The following LMOD1 variants were observed in gnomAD, a reference collection of about 807,000 sequenced individuals.
LMOD1 encodes the protein leiomodin 1.
In LMOD1, 8 loss-of-function variants were observed where a neutral mutation model predicts 36.5. The ratio of observed to expected loss-of-function variants is 0.22; its 90% CI spans 0.13 to 0.40. The LOEUF (loss-of-function observed/expected upper bound fraction) is 0.40. Among genes scored for constraint, LMOD1 ranks in the 10% least tolerant of loss-of-function variants. The probability of loss-of-function intolerance (pLI) is 1.00; values close to 1 mark genes in which losing one functional copy is unlikely to be tolerated. For missense variants in LMOD1, 630 were observed against 751.1 expected, an observed-to-expected ratio of 0.84 and a Z score of 1.88; for synonymous variants, 284 against 288.7, an observed-to-expected ratio of 0.98 and a Z score of 0.17.
chr1:201,902,725 G>A lies in LMOD1; in HGVS notation c.262-1974C>T, dbSNP rs909126449. ...CTCCCAAAGTGCTGGGATTACAGGC[G>A]TGAGCCGCCGCGCCAGGCTGGGGGC... On this transcript the variant is annotated intron_variant, in intron 1 of 2. Coordinates refer to ENST00000367288, the MANE Select transcript of LMOD1 (RefSeq NM_012134.3). Among the ~76,000 whole-genome samples, 24 of 151,976 alleles carry A rather than the reference G, an allele frequency of 1.6e-4. No individual in the cohort carries two copies. The East Asian group carries it at 4.7e-3, about 30-fold the overall frequency.
intron 1 of LMOD1, among the ~76,000 whole-genome samples, chr1:201,912,734 C>T (rs890277215): frequency 1.3e-5 from 2 of 152,094 alleles, no homozygotes; most frequent in African/African-American, 4.8e-5. Flanking sequence ...TGGCGGGCGC[C>T]TGTAATCCCA....
Position 201,900,250 on chromosome 1 carries a change from C to T in LMOD1, c.763G>A (p.Val255Ile). The T allele has an allele frequency of 6.2e-7, 1 of 1,613,592 alleles. No homozygotes were observed. Among genetic ancestry groups the T allele is most frequent in the Non-Finnish European group, 8.5e-7 (1 of 1,179,746 alleles). Residue 255 changes from valine (V) to isoleucine (I), a missense_variant, in exon 2 of 3, where the codon GTA becomes ATA. Around this residue, in one of 3 missense-constraint regions of LMOD1, gnomAD observed 405 missense variants for 400.6 expected, o/e 1.01. Transcript: ENST00000367288. ...NTDMKKEDEK[V>I]KRGTGNTDTK... ...TCTGTGTTCCCAGTTCCTCTTTTTA[C>T]CTTCTCATCCTCCTTTTTCATGTCT...
In LMOD1 at chr1:201,928,413, G is replaced by A. The variant is rs1233944434; in HGVS notation, c.261+17667C>T. ...GGCGTCAGAAAGGCAAGTCTGTGTC[G>A]ACCCAGCTGCAGAATTGGTATATCC... On this transcript the variant is annotated intron_variant, in intron 1 of 2. Coordinates refer to ENST00000367288, the MANE Select transcript of LMOD1 (RefSeq NM_012134.3). Among the ~76,000 whole-genome samples the A allele has an allele frequency of 3.3e-5, 5 of 152,282 alleles. No homozygotes were observed. The East Asian group carries it at 5.8e-4, about 18-fold the overall frequency.
At position 201,900,256 on chromosome 1, in the gene LMOD1, C is replaced by T. The variant is rs776995438; in HGVS notation, c.757G>A (p.Glu253Lys). The T allele has an allele frequency of 6.3e-5, 102 of 1,613,532 alleles. 3 individuals carry two copies. In the South Asian group the frequency reaches 1.0e-3, roughly 17 times the overall value. Residue 253 changes from glutamate (E) to lysine (K), a missense_variant, in exon 2 of 3, where the codon GAG becomes AAG. By Grantham distance (56) the Glu-to-Lys change is moderately conservative. Transcript: ENST00000367288. The part of the protein sequence containing the change: ...GGNTDMKKED[E>K]KVKRGTGNTD... ...TTCCCAGTTCCTCTTTTTACCTTCTCATCCTCCTTTTTCATGTCTGTGTTC... is the reference window on the plus strand; with the variant it reads ...TTCCCAGTTCCTCTTTTTACCTTCTTATCCTCCTTTTTCATGTCTGTGTTC...
At chr1:201,904,496 C>T (rs948928121) in intron 1 of LMOD1, among the ~76,000 whole-genome samples, 1 of 152,218 alleles carries the variant, frequency 6.6e-6, no homozygotes, top group Non-Finnish European at 1.5e-5. Context: ...AGGCGTGAGC[C>T]ACCACGCCCA....
At chr1:201,930,792 C>T (rs1681904621) in intron 1 of LMOD1, among the ~76,000 whole-genome samples, 1 of 152,044 alleles carries the variant, frequency 6.6e-6, no homozygotes, top group Non-Finnish European at 1.5e-5. Flanking sequence ...GAGCTGCTCA[C>T]AGAGGAGATT....
chr1:201,946,383 T>C lies in LMOD1; in HGVS notation c.-43A>G. The C allele has an allele frequency of 6.3e-7, 1 of 1,599,128 alleles. No homozygotes were observed. Among genetic ancestry groups the C allele is most frequent in the East Asian group, 2.2e-5 (1 of 44,710 alleles). ...TGGCTGCCAGGGGCTATCAGAGTCC[T>C]GGTGGGCAGGGAAGGGAGAGGGGTG... On this transcript the variant is annotated 5_prime_UTR_variant, in exon 1 of 3. Coordinates refer to ENST00000367288, the MANE Select transcript of LMOD1 (RefSeq NM_012134.3).
chr1:201,942,982 A>G (rs1485938022), intron 1 of LMOD1, among the ~76,000 whole-genome samples: 1 of 152,340 alleles, frequency 6.6e-6, no homozygotes, highest in African/African-American at 2.4e-5. Context: ...AGCATCCACT[A>G]TCTAGTCAGG....
rs34390949 is a variant in LMOD1 at position 201,940,183 on chromosome 1, CTT to C, written c.261+5895_261+5896del. Among the ~76,000 whole-genome samples the C allele has an allele frequency of 9.7e-5, 12 of 123,416 alleles. No individual in the cohort carries two copies. The East Asian group carries it at 1.3e-3, about 13-fold the overall frequency. 81.0% of individuals were successfully genotyped at this position (123,416 alleles called of 152,430 possible). On this transcript the variant is annotated intron_variant, in intron 1 of 2. Transcript: ENST00000367288. ...CTTGCATTTTCCATCCAGCCAAGCT[CTT>C]TTTTTTTTTTTTTTTTTTTTGAGAT...
chr1:201,920,979 C>T (rs184700293), intron 1 of LMOD1, among the ~76,000 whole-genome samples: 1 of 152,220 alleles, frequency 6.6e-6, no homozygotes, highest in Non-Finnish European at 1.5e-5. Context: ...AGATGCATTC[C>T]ATGGACATTT....
At chr1:201,906,847 T>C (rs536334837) in intron 1 of LMOD1, among the ~76,000 whole-genome samples, 1 of 148,940 alleles carries the variant, frequency 6.7e-6, no homozygotes, top group African/African-American at 2.5e-5. Flanking sequence ...CTGGGCAACA[T>C]AGTGAGTGAG....
chr1:201,901,624 GTGTGTGTATA>G (rs1473683030), intron 1 of LMOD1, among the ~76,000 whole-genome samples: 1 of 12,622 alleles, frequency 7.9e-5, no homozygotes, highest in African/African-American at 2.9e-4. Flanking sequence ...ATATATATGT[GTGTGTGTATA>G]TATATATATA....
rs761599670 is a variant in LMOD1 at position 201,899,634 on chromosome 1, C to T, written c.1379G>A (p.Arg460Gln). 3.7e-6 allele frequency: 6 copies of T among 1,612,556 alleles called. No homozygotes were observed. The highest frequency in any genetic ancestry group is 5.1e-6 in the Non-Finnish European group (6 of 1,179,356). Residue 460 changes from arginine (R) to glutamine (Q), a missense_variant, in exon 2 of 3, where the codon CGA becomes CAA. Physicochemically the swap from Arg to Gln is conservative, Grantham distance 43 (BLOSUM62 1). Around this residue, in one of 3 missense-constraint regions of LMOD1, gnomAD observed 81 missense variants for 180.6 expected, o/e 0.45. Transcript: ENST00000367288. The surrounding 1 kb of genome is among the most constrained non-coding windows in gnomAD (Gnocchi z 6.3). The stretch of plus-strand genomic sequence containing the variant: ...GCTGAGCAGATTGGTGACAGTCATT[C>T]GGGGCCCGGCCAGCTCAAAATGGTA... ...LGYHFELAGP[R>Q]MTVTNLLSRN...
chr1:201,899,629 T>A lies in LMOD1; in HGVS notation c.1384A>T (p.Thr462Ser). Residue 462 changes from threonine (T) to serine (S), a missense_variant, in exon 2 of 3, where the codon ACT (threonine) becomes TCT (serine). Physicochemically the swap from Thr to Ser is moderately conservative, Grantham distance 58 (BLOSUM62 1). Coordinates refer to ENST00000367288, the MANE Select transcript of LMOD1 (RefSeq NM_012134.3). This position sits in a 1 kb window ranked among gnomAD's most constrained non-coding sequence, Gnocchi z 6.3. Reference protein sequence around the residue: ...YHFELAGPRMTVTNLLSRNMD... With the variant: ...YHFELAGPRMSVTNLLSRNMD... ...TTGCGGCTGAGCAGATTGGTGACAGTCATTCGGGGCCCGGCCAGCTCAAAA... is the reference window on the plus strand; with the variant it reads ...TTGCGGCTGAGCAGATTGGTGACAGACATTCGGGGCCCGGCCAGCTCAAAA... The A allele has an allele frequency of 6.2e-7, 1 of 1,613,038 alleles. No homozygotes were observed. Among genetic ancestry groups the A allele is most frequent in the Non-Finnish European group, 8.5e-7 (1 of 1,179,496 alleles).
At chr1:201,940,095 T>C (rs1682087386) in intron 1 of LMOD1, among the ~76,000 whole-genome samples, 1 of 151,856 alleles carries the variant, frequency 6.6e-6, no homozygotes, top group Admixed American at 6.6e-5. Context: ...TATCCCGCTC[T>C]CACTGGTGAG....
At chr1:201,918,545 C>G (rs9661143) in intron 1 of LMOD1, among the ~76,000 whole-genome samples, 3,177 of 152,262 alleles carry the variant, frequency 0.021, 117 homozygotes, top group African/African-American at 0.072. Context: ...ACGCTGGGCT[C>G]TCTTGGGTCT....
At position 201,937,271 on chromosome 1, in the gene LMOD1, C is replaced by A. The variant is rs145480477; in HGVS notation, c.261+8809G>T. ...GACCAGCCTTGGCAACATAGGGAGA[C>A]CCCAGTATCTACAAATAATTTAAAA... On this transcript the variant is annotated intron_variant, in intron 1 of 2. Transcript: ENST00000367288. Among the ~76,000 whole-genome samples, 57 of 151,848 alleles carry A rather than the reference C, an allele frequency of 3.8e-4. No individual in the cohort carries two copies. The East Asian group carries it at 9.9e-3, about 26-fold the overall frequency.
In LMOD1 at chr1:201,900,654, T is replaced by C. The variant is rs1304209922; in HGVS notation, c.359A>G (p.Asp120Gly). The change falls in exon 2 of 3, where the codon GAT becomes GGT. Residue 120 changes from aspartate (D) to glycine (G), a missense_variant. Transcript: ENST00000367288. Reference sequence around the variant, plus strand: ...ACCCCTCTTTGGCTCCTTCCCCAGATCTGAGTCCCGTCTGGGGCCCAGGGC... The same window carrying C: ...ACCCCTCTTTGGCTCCTTCCCCAGACCTGAGTCCCGTCTGGGGCCCAGGGC... The part of the protein sequence containing the change: ...KKALGPRRDS[D>G]LGKEPKRGGL... 6.2e-7 allele frequency: 1 copy of C among 1,613,918 alleles called. No individual in the cohort carries two copies. The highest frequency in any genetic ancestry group is 8.5e-7 in the Non-Finnish European group (1 of 1,179,872).
intron 1 of LMOD1, among the ~76,000 whole-genome samples, chr1:201,912,470 A>T (rs1681510018): frequency 1.3e-5 from 2 of 152,084 alleles, no homozygotes; most frequent in Admixed American, 1.3e-4. Flanking sequence ...AGGATCAGGG[A>T]CATGAAATAT....
Sources: allele counts gnomAD v4.1 joint callset (sites outside exome capture counted in the v4.1 genomes callset), GRCh38; gene constraint gnomAD v4.1.1; regional missense constraint gnomAD v4.1.1; non-coding constraint Gnocchi (gnomAD v3.1); transcripts MANE v1.5; gene names NCBI Gene and HGNC (gene_info 2026-07-23, HGNC 2026-07-21).